Variants in DOP1B observed in about 807,000 individuals in gnomAD.
DOP1B encodes DOP1 leucine zipper like protein B.
A neutral mutation model predicts 233.5 loss-of-function variants in DOP1B; 174 were observed. The ratio of observed to expected loss-of-function variants is 0.75; its 90% CI spans 0.66 to 0.85. The LOEUF (loss-of-function observed/expected upper bound fraction) is 0.85. Ranked by LOEUF, DOP1B falls within the 40% of genes least tolerant of loss-of-function variation. The probability of loss-of-function intolerance (pLI) is 0.00; values close to 1 mark genes in which losing one functional copy is unlikely to be tolerated. For synonymous variants in DOP1B, 1,190 were observed against 1,185.6 expected (o/e 1.00, Z -0.08); for missense variants, 2,652 against 2,846.6 (o/e 0.93, Z 1.56).
In DOP1B at chr21:36,263,790, C is replaced by G. The variant is rs781722454; in HGVS notation, c.5463C>G (p.Asn1821Lys). ...DFVTRTPNLE[N>K]KKDQKDLQEI... ...TAACAAGAACTCCCAACCTGGAAAA[C>G]AAGAAGGACCAAAAAGACCTGCAGG... Residue 1821 changes from asparagine (N) to lysine (K), a missense_variant, in exon 26 of 37, where the codon AAC becomes AAG. Coordinates refer to ENST00000691173, the MANE Select transcript of DOP1B (RefSeq NM_001320714.2). 1.1e-5 allele frequency: 18 copies of G among 1,614,076 alleles called. No individual in the cohort carries two copies. The East Asian group carries it at 4.0e-4, about 36-fold the overall frequency.
intron 35 of DOP1B, among the ~76,000 whole-genome samples, chr21:36,289,417 T>A (rs963757958): frequency 7.0e-6 from 1 of 143,760 alleles, no homozygotes; most frequent in East Asian, 2.1e-4. Flanking sequence ...TATGAATGTG[T>A]TTCTATGGTG....
Position 36,229,312 on chromosome 21 carries a change from C to T in DOP1B, c.1666-1138C>T, listed in dbSNP as rs2066730993. ...CAGCAAGGTTGGCACCTCCTGAGTG[C>T]ACTGGGGAAAAAGAGTCTGTCTCAT... is the stretch of plus-strand genomic sequence containing the variant. On this transcript the variant is annotated intron_variant, in intron 13 of 36. Coordinates refer to ENST00000691173, the MANE Select transcript of DOP1B (RefSeq NM_001320714.2). Among the ~76,000 whole-genome samples the T allele has an allele frequency of 2.6e-5, 4 of 152,312 alleles. No individual in the cohort carries two copies. The South Asian group carries it at 6.2e-4, about 24-fold the overall frequency.
intron 2 of DOP1B, among the ~76,000 whole-genome samples, chr21:36,167,940 CTTTTTTTT>C: frequency 5.0e-5 from 2 of 40,064 alleles, no homozygotes; most frequent in African/African-American, 1.4e-4. Context: ...TTTTCTTTTT[CTTTTTTTT>C]TTTTTTTTTT....
rs746281708 is a variant in DOP1B, at chr21:36,230,533, T to G, written c.1749T>G (p.Pro583=). The change falls in exon 14 of 37, where the codon CCT becomes CCG. Residue 583 remains proline, a synonymous_variant. Transcript: ENST00000691173. The part of the protein sequence containing the change: ...IPGDEDASFP[P]LKSEDSGIGL... Reference sequence around the variant, plus strand: ...GTGACGAAGATGCTTCGTTTCCCCCTCTGAAGTCTGAGGACAGTGGGATCG... The same window carrying G: ...GTGACGAAGATGCTTCGTTTCCCCCGCTGAAGTCTGAGGACAGTGGGATCG... 3.7e-6 allele frequency: 6 copies of G among 1,614,170 alleles called. No homozygotes were observed. Among genetic ancestry groups the G allele is most frequent in the Non-Finnish European group, 5.1e-6 (6 of 1,180,008 alleles).
chr21:36,227,373 CCA>C (rs2066702089), intron 12 of DOP1B, among the ~76,000 whole-genome samples: 2 of 151,132 alleles, frequency 1.3e-5, no homozygotes, highest in Non-Finnish European at 2.9e-5. Flanking sequence ...CGGTGAAACC[CCA>C]TCTCTACTAA....
chr21:36,234,896 A>G (rs2066809043), intron 15 of DOP1B, among the ~76,000 whole-genome samples: 1 of 152,180 alleles, frequency 6.6e-6, no homozygotes, highest in Non-Finnish European at 1.5e-5. Flanking sequence ...ACAATTTGAT[A>G]TTCTGACACA....
Position 36,170,170 on chromosome 21 carries a change from C to G in DOP1B, c.138+5299C>G. 3 of 477,814 alleles carry G rather than the reference C, an allele frequency of 6.3e-6. 1 individual carries two copies. The highest frequency in any genetic ancestry group is 6.3e-5 in the South Asian group (3 of 47,822). 29.6% of individuals were successfully genotyped at this position (477,814 alleles called of 1,614,324 possible). A position where few individuals can be genotyped will look rare whatever the true frequency, so the allele number is the denominator to read the frequency against. On this transcript the variant is annotated intron_variant, in intron 2 of 36. Coordinates refer to ENST00000691173, the MANE Select transcript of DOP1B (RefSeq NM_001320714.2). ...CCCATGTCTGGGAGTGGAGAACTTT[C>G]TGTGAGACATCACACAATCAAATTC...
intron 4 of DOP1B, among the ~76,000 whole-genome samples, chr21:36,207,294 C>T (rs2066438213): frequency 6.6e-6 from 1 of 151,718 alleles, no homozygotes; most frequent in Non-Finnish European, 1.5e-5. Flanking sequence ...AAGCAATTCT[C>T]CTGCCTCAGC....
At chr21:36,254,488 G>A (rs1394541610) in intron 23 of DOP1B, among the ~76,000 whole-genome samples, 2 of 152,072 alleles carry the variant, frequency 1.3e-5, no homozygotes, top group Non-Finnish European at 2.9e-5. Context: ...GTCCATAGAT[G>A]TGATTAGGCC....
intron 10 of DOP1B, among the ~76,000 whole-genome samples, chr21:36,221,118 G>GT (rs1348111795): frequency 2.6e-5 from 4 of 151,656 alleles, no homozygotes; most frequent in Non-Finnish European, 5.9e-5. Context: ...GCCACTGCTT[G>GT]TTTTTTAAAA....
intron 17 of DOP1B, 58 bp from the exon 18 acceptor site, chr21:36,239,707 G>A: frequency 2.0e-6 from 3 of 1,472,282 alleles, no homozygotes; most frequent in South Asian, 1.4e-5. Context: ...TGTCTGCCAC[G>A]GTGCCTGGCG....
At chr21:36,253,610 C>A (rs1372105945) in intron 22 of DOP1B, among the ~76,000 whole-genome samples, 162 bp from the exon 23 acceptor site, 3 of 147,502 alleles carry the variant, frequency 2.0e-5, no homozygotes, top group African/African-American at 7.4e-5. Context: ...TGCACTCCAG[C>A]CTGGGTGACA....
At chr21:36,256,426 G>GT (rs2067098097) in intron 23 of DOP1B, among the ~76,000 whole-genome samples, 1 of 152,178 alleles carries the variant, frequency 6.6e-6, no homozygotes, top group Admixed American at 6.5e-5. Context: ...GGGTGACAGA[G>GT]TGAGACCCTG....
rs1040358348 is a variant in DOP1B, at chr21:36,260,630, C to T, written c.5260-47C>T. ...CATTTTGTATCTGAATTCTTTTAGCCTTATTTCCCACCAACTCGGAGTAAT... is the reference window on the plus strand; with the variant it reads ...CATTTTGTATCTGAATTCTTTTAGCTTTATTTCCCACCAACTCGGAGTAAT... On this transcript the variant is annotated intron_variant, in intron 23 of 36. Transcript: ENST00000691173. 1.2e-5 allele frequency: 20 copies of T among 1,610,982 alleles called. 1 individual carries two copies. The East Asian group carries it at 1.6e-4, about 13-fold the overall frequency.
intron 2 of DOP1B, among the ~76,000 whole-genome samples, chr21:36,165,956 A>G (rs1422334681): frequency 6.6e-6 from 1 of 150,578 alleles, no homozygotes; most frequent in African/African-American, 2.4e-5. Context: ...ACCTCAAGTG[A>G]TCCACCCACC....
chr21:36,233,507 A>T (rs571112521), intron 15 of DOP1B, among the ~76,000 whole-genome samples: 1 of 152,300 alleles, frequency 6.6e-6, no homozygotes, highest in Admixed American at 6.5e-5. Context: ...TTGCTTGGCC[A>T]CATGCACCAG....
Position 36,231,087 on chromosome 21 carries a change from C to T in DOP1B, c.2303C>T (p.Ser768Phe). 10 of 1,612,360 alleles carry T rather than the reference C, an allele frequency of 6.2e-6. No homozygotes were observed. The highest frequency in any genetic ancestry group is 8.5e-6 in the Non-Finnish European group (10 of 1,179,198). Residue 768 changes from serine to phenylalanine, a missense_variant, in exon 14 of 37, where the codon TCC (serine) becomes TTC (phenylalanine). Coordinates refer to ENST00000691173, the MANE Select transcript of DOP1B (RefSeq NM_001320714.2). ...LDCATFPVYL[S>F]EEETEQLCAT... ...TGTGCCACTTTCCCTGTCTACCTGT[C>T]CGAGGAAGAGACCGAGCAGCTCTGT...
intron 35 of DOP1B, among the ~76,000 whole-genome samples, chr21:36,290,397 A>G (rs2067542215): frequency 6.6e-6 from 1 of 152,170 alleles, no homozygotes; most frequent in Admixed American, 6.6e-5. Context: ...ACCGTGGCTC[A>G]CACCTGTAAT....
In DOP1B at chr21:36,293,356, G is replaced by T; in HGVS notation, c.6682G>T (p.Glu2228Ter). The change falls in exon 37 of 37, where the codon GAA becomes TAA. Residue 2228 changes from glutamate (E) to a stop codon, truncating the protein, a stop_gained. Transcript: ENST00000691173. LOFTEE classifies it low-confidence loss of function (END_TRUNC). The part of the protein sequence containing the change: ...SSSDEITMKS[E>*]FPLLRQHSVS... ...CTCTGATGAGATCACCATGAAGAGT[G>T]AATTCCCGCTTCTGCGCCAACATTC... is the stretch of plus-strand genomic sequence containing the variant. The T allele has an allele frequency of 6.2e-7, 1 of 1,614,142 alleles. No homozygotes were observed. The highest frequency in any genetic ancestry group is 8.5e-7 in the Non-Finnish European group (1 of 1,180,036).
Sources: allele counts gnomAD v4.1 joint callset (sites outside exome capture counted in the v4.1 genomes callset), GRCh38; gene constraint gnomAD v4.1.1; transcripts MANE v1.5; gene names NCBI Gene and HGNC (gene_info 2026-07-23, HGNC 2026-07-21).